Variants in ZNF266 observed in about 807,000 individuals in gnomAD.
The protein encoded by ZNF266 is zinc finger protein 266, also known as zinc finger protein 1.
In ZNF266, 16 loss-of-function variants were observed where a neutral mutation model predicts 16.4. The observed-to-expected ratio is 0.98, with a 90% CI of 0.66 to 1.48. ZNF266 has a LOEUF of 1.48. Among genes scored for constraint, ZNF266 ranks in the 40% most tolerant of loss-of-function variants. The pLI, the probability that ZNF266 is intolerant of heterozygous loss-of-function variation, is 0.00. For missense variants in ZNF266, 738 were observed against 689.1 expected, an observed-to-expected ratio of 1.07 and a Z score of -0.79; for synonymous variants, 262 against 237.9, an observed-to-expected ratio of 1.10 and a Z score of -0.93.
At chr19:9,416,091 G>A (rs1038914815) in intron 9 of ZNF266, among the ~76,000 whole-genome samples, 3 of 152,064 alleles carry the variant, frequency 2.0e-5, no homozygotes, top group African/African-American at 7.2e-5. Context: ...CAAAGTGCTG[G>A]GATTACAGGC....
chr19:9,424,344 T>C (rs1033451705), intron 5 of ZNF266, among the ~76,000 whole-genome samples: 6 of 152,044 alleles, frequency 3.9e-5, no homozygotes, highest in African/African-American at 1.2e-4. Flanking sequence ...TGATGAGGTG[T>C]AGAACCTCCG....
At chr19:9,428,232 T>A (rs1222044932) in intron 5 of ZNF266, among the ~76,000 whole-genome samples, 1 of 152,194 alleles carries the variant, frequency 6.6e-6, no homozygotes, top group Non-Finnish European at 1.5e-5. Flanking sequence ...CTGCCCACTG[T>A]GCTCTAGGTC....
At chr19:9,433,620 C>T (rs2071973560) in intron 5 of ZNF266, 48 bp downstream of exon 5, 1 of 152,058 alleles carries the variant, frequency 6.6e-6, no homozygotes, top group African/African-American at 2.4e-5. Flanking sequence ...CACATTCATG[C>T]TTCTCCTATT....
At chr19:9,423,386 C>G (rs769563695) in intron 5 of ZNF266, among the ~76,000 whole-genome samples, 1 of 152,186 alleles carries the variant, frequency 6.6e-6, no homozygotes, top group East Asian at 1.9e-4. Context: ...CCACCACCCA[C>G]GGAATCACAA....
intron 5 of ZNF266, among the ~76,000 whole-genome samples, chr19:9,425,163 T>C (rs959602432): frequency 6.6e-6 from 1 of 152,114 alleles, no homozygotes; most frequent in African/African-American, 2.4e-5. Flanking sequence ...AATAAGAACT[T>C]TCCTTTGCGC....
chr19:9,418,434 G>A (rs1274031758), intron 8 of ZNF266, 71 bp downstream of exon 8: 5 of 1,510,058 alleles, frequency 3.3e-6, no homozygotes, highest in Non-Finnish European at 4.6e-6. Context: ...TGCTATCTCT[G>A]ATGTGCAATA....
intron 7 of ZNF266, 110 bp downstream of exon 7, chr19:9,419,107 G>C (rs1978713): frequency 0.56 from 87,103 of 155,292 alleles, 24,719 homozygotes; most frequent in Middle Eastern, 0.64. Flanking sequence ...GTCCTTGAAG[G>C]AGGCTTTATT....
chr19:9,433,320 T>C (rs189917539), intron 5 of ZNF266, among the ~76,000 whole-genome samples: 2 of 152,298 alleles, frequency 1.3e-5, no homozygotes, highest in East Asian at 3.9e-4. Flanking sequence ...TTTACTTACA[T>C]GGATTGTATC....
chr19:9,415,679 T>G lies in ZNF266; in HGVS notation c.380A>C (p.Glu127Ala), dbSNP rs1317432340. 3 of 1,612,812 alleles carry G rather than the reference T, an allele frequency of 1.9e-6. No homozygotes were observed. In the African/African-American group the frequency reaches 4.0e-5, roughly 22 times the overall value. Residue 127 changes from glutamate (E) to alanine (A), a missense_variant, in exon 10 of 11, where the codon GAG (glutamate) becomes GCG (alanine). Glu to Ala is a moderately radical substitution (Grantham distance 107, BLOSUM62 -1). Coordinates refer to ENST00000592904, the MANE Select transcript of ZNF266 (RefSeq NM_001370374.1). ...ELALQQDVLG[E>A]PTSSGIQMIG... is the part of the protein sequence containing the mutation. ...CATTTGAATCCCACTGGAGGTTGGC[T>G]CCCCCAAAACATCCTGCTGAAGGGC...
chr19:9,435,369 C>G lies in ZNF266; in HGVS notation c.-643G>C, dbSNP rs566784480. The stretch of plus-strand genomic sequence containing the variant: ...TGAACCTGGCGGCGCCAGGAGGACC[C>G]GCGCGGCCCCGGCGGACGCGAGCGG... On this transcript the variant is annotated 5_prime_UTR_variant, in exon 1 of 11. Transcript: ENST00000592904. 3 of 152,240 alleles carry G rather than the reference C, an allele frequency of 2.0e-5. No homozygotes were observed. The highest frequency in any genetic ancestry group is 2.9e-5 in the Non-Finnish European group (2 of 68,094). The allele number at this position is 152,240 out of a possible 1,614,324, so 9.4% of individuals were successfully genotyped here.
chr19:9,412,944 C>T lies in ZNF266; in HGVS notation c.*331G>A. 3.3e-6 allele frequency: 1 copy of T among 305,732 alleles called. No homozygotes were observed. Among genetic ancestry groups the T allele is most frequent in the Non-Finnish European group, 6.0e-6 (1 of 165,942 alleles). 18.9% of individuals were successfully genotyped at this position (305,732 alleles called of 1,614,324 possible). On this transcript the variant is annotated 3_prime_UTR_variant, in exon 11 of 11. Transcript: ENST00000592904. Reference sequence around the variant, plus strand: ...AATATGGAGTGGGGCATCATCCAGACCATACCATTTAAATTGCAGGGTTTC... The same window carrying T: ...AATATGGAGTGGGGCATCATCCAGATCATACCATTTAAATTGCAGGGTTTC...
At position 9,417,901 on chromosome 19, in the gene ZNF266, C is replaced by G; in HGVS notation, c.243G>C (p.Gln81His). Residue 81 changes from glutamine to histidine, a missense_variant, in exon 9 of 11, where the codon CAG (glutamine) becomes CAC (histidine). Gln to His is a conservative substitution (Grantham distance 24, BLOSUM62 0). Transcript: ENST00000592904. ...NYKNLATVGYQLFKPSLISWL... is the reference protein window; with the variant it reads ...NYKNLATVGYHLFKPSLISWL... ...AAGAGATCAGACTGGGTTTGAAGAG[C>G]TGATATCCTGTGCACAAAGAAAGAT... The G allele has an allele frequency of 6.2e-7, 1 of 1,614,036 alleles. No homozygotes were observed. The highest frequency in any genetic ancestry group is 8.5e-7 in the Non-Finnish European group (1 of 1,179,944).
intron 9 of ZNF266, among the ~76,000 whole-genome samples, chr19:9,416,663 CTTTTTTT>C (rs368700653): frequency 1.2e-4 from 7 of 56,946 alleles, no homozygotes; most frequent in South Asian, 8.1e-4. Flanking sequence ...CGTGCCAGGC[CTTTTTTT>C]TTTTTTTTTT....
chr19:9,418,594 G>C lies in ZNF266; in HGVS notation c.146C>G (p.Thr49Ser), dbSNP rs1007376945. ...VTFDDLAVDF[T>S]PEEWTLLDPT... ...GTCCAGTAAAGTCCATTCTTCTGGGGTGAAGTCCACAGCCAGATCATCAAA... is the reference window on the plus strand; with the variant it reads ...GTCCAGTAAAGTCCATTCTTCTGGGCTGAAGTCCACAGCCAGATCATCAAA... Residue 49 changes from threonine to serine, a missense_variant, in exon 8 of 11, where the codon ACC becomes AGC. Transcript: ENST00000592904. 3 of 1,575,804 alleles carry C rather than the reference G, an allele frequency of 1.9e-6. No homozygotes were observed. The highest frequency in any genetic ancestry group is 1.7e-4 in the Middle Eastern group (1 of 5,998).
chr19:9,431,157 A>C (rs10404721), intron 5 of ZNF266, among the ~76,000 whole-genome samples: 86,106 of 152,002 alleles, frequency 0.57, 24,609 homozygotes, highest in Middle Eastern at 0.64. Flanking sequence ...GGACACTGCA[A>C]AAGGGAGCGT....
Position 9,417,823 on chromosome 19 carries a change from C to T in ZNF266, c.316+5G>A, listed in dbSNP as rs776468074. ...TGACCAGGGCGGTCCTTTGTGAACA[C>T]TCACCTTGGAAATCACCTCTCTGCA... On this transcript the variant is annotated splice_donor_5th_base_variant and intron_variant, in intron 9 of 10. Coordinates refer to ENST00000592904, the MANE Select transcript of ZNF266 (RefSeq NM_001370374.1). 3.1e-6 allele frequency: 5 copies of T among 1,613,132 alleles called. No homozygotes were observed. The Admixed American group carries it at 8.3e-5, about 27-fold the overall frequency.
At chr19:9,419,831 G>T (rs1435256964) in intron 6 of ZNF266, 1 of 151,290 alleles carries the variant, frequency 6.6e-6, no homozygotes, top group Non-Finnish European at 1.5e-5. Flanking sequence ...AACCTGGGGG[G>T]CAGAGGTGGC....
At chr19:9,416,423 G>C (rs190189954) in intron 9 of ZNF266, among the ~76,000 whole-genome samples, 1 of 147,868 alleles carries the variant, frequency 6.8e-6, no homozygotes, top group Non-Finnish European at 1.5e-5. Flanking sequence ...GAGTGCAATA[G>C]AACAATCTCG....
chr19:9,413,581 G>A lies in ZNF266; in HGVS notation c.1545C>T (p.Ser515=), dbSNP rs2068535522. Residue 515 remains serine, a synonymous_variant, in exon 11 of 11, where the codon TCC becomes TCT. Coordinates refer to ENST00000592904, the MANE Select transcript of ZNF266 (RefSeq NM_001370374.1). Reference sequence around the variant, plus strand: ...TCCGCATGTGATTATTAAGACTGGAGGAATGCGTAAATGCTTTACCACATT... The same window carrying A: ...TCCGCATGTGATTATTAAGACTGGAAGAATGCGTAAATGCTTTACCACATT... ...CLECGKAFTH[S]SSLNNHMRTH... 1 of 1,614,120 alleles carries A rather than the reference G, an allele frequency of 6.2e-7. No homozygotes were observed. The highest frequency in any genetic ancestry group is 8.5e-7 in the Non-Finnish European group (1 of 1,180,018).
Sources: gnomAD v4.1 joint callset for allele counts (sites outside exome capture counted in the v4.1 genomes callset) on GRCh38, gnomAD v4.1.1 for gene constraint, MANE v1.5 for transcripts, NCBI Gene and HGNC (gene_info 2026-07-23, HGNC 2026-07-21) for gene names.